Variants in IGF1R observed in about 807,000 individuals in gnomAD.
IGF1R encodes insulin-like growth factor 1 receptor.
IGF1R carries 44 observed loss-of-function variants against 144.6 expected under a neutral mutation model. The observed-to-expected ratio is 0.30, with a 90% confidence interval of 0.24 to 0.39. The LOEUF (loss-of-function observed/expected upper bound fraction) is 0.39, where lower values mean the gene tolerates loss of function less well. Ranked by LOEUF, IGF1R falls within the 10% of genes least tolerant of loss-of-function variation. IGF1R has a pLI of 1.00. For synonymous variants in IGF1R, 795 were observed against 722.8 expected, an observed-to-expected ratio of 1.10 and a Z score of -1.60; for missense variants, 1,355 against 1,833.7, an observed-to-expected ratio of 0.74 and a Z score of 4.77.
At position 98,726,495 on chromosome 15, in the gene IGF1R, A is replaced by G. The variant is rs181292069; in HGVS notation, c.640+18388A>G. Among the ~76,000 whole-genome samples, 221 of 152,244 alleles carry G rather than the reference A, an allele frequency of 1.5e-3. No individual in the cohort carries two copies. The Middle Eastern group carries it at 0.027, about 19-fold the overall frequency. ...TCTTAGTAAACATGATGTGGGTTCT[A>G]TTAGCATGGCGCCCTCCCTCCCTTC... On this transcript the variant is annotated intron_variant, in intron 2 of 20. Transcript: ENST00000650285.
At chr15:98,743,259 G>C (rs79246493) in intron 2 of IGF1R, among the ~76,000 whole-genome samples, 146 of 151,924 alleles carry the variant, frequency 9.6e-4, no homozygotes, top group African/African-American at 3.4e-3. Context: ...ACAATAAACT[G>C]TGTTTCCATG....
At chr15:98,732,049 C>T (rs2054507763) in intron 2 of IGF1R, among the ~76,000 whole-genome samples, 3 of 152,244 alleles carry the variant, frequency 2.0e-5, no homozygotes, top group Admixed American at 2.0e-4. Context: ...TCTGCAACTA[C>T]TGAGCTCAGC....
chr15:98,925,723 G>A (rs2015688634), intron 13 of IGF1R, among the ~76,000 whole-genome samples: 1 of 152,214 alleles, frequency 6.6e-6, no homozygotes, highest in African/African-American at 2.4e-5. Flanking sequence ...GCCAACATGG[G>A]TGAAACCCCG....
intron 1 of IGF1R, among the ~76,000 whole-genome samples, chr15:98,663,168 T>G (rs73473436): frequency 3.3e-5 from 5 of 151,868 alleles, no homozygotes; most frequent in African/African-American, 1.2e-4. Flanking sequence ...ACTGGTGAGA[T>G]GGGTCCTCGG....
intron 2 of IGF1R, among the ~76,000 whole-genome samples, chr15:98,762,681 T>C (rs1026612806): frequency 6.6e-5 from 10 of 151,734 alleles, no homozygotes; most frequent in African/African-American, 2.2e-4. Context: ...TGAACCGAGA[T>C]TGCATCATTA....
chr15:98,649,927 G>A (rs1318835502), intron 1 of IGF1R, among the ~76,000 whole-genome samples: 2 of 152,174 alleles, frequency 1.3e-5, no homozygotes, highest in Admixed American at 6.5e-5. Flanking sequence ...CTCTTTCTCC[G>A]TCCTGACAGC....
chr15:98,881,147 T>C (rs1409172071), intron 2 of IGF1R, among the ~76,000 whole-genome samples: 4 of 152,174 alleles, frequency 2.6e-5, no homozygotes, highest in Non-Finnish European at 5.9e-5. Flanking sequence ...CCTGACCCTT[T>C]TCCAGAGTGT....
chr15:98,909,609 C>T (rs1286355429), intron 6 of IGF1R, among the ~76,000 whole-genome samples: 1 of 152,274 alleles, frequency 6.6e-6, no homozygotes, highest in Admixed American at 6.5e-5. Context: ...TGAGCTCTAC[C>T]CTTCTGCTCC....
At chr15:98,938,651 T>G (rs2151712768) in intron 17 of IGF1R, among the ~76,000 whole-genome samples, 1 of 152,300 alleles carries the variant, frequency 6.6e-6, no homozygotes, top group African/African-American at 2.4e-5. Flanking sequence ...GTGAAAACAG[T>G]AATCCTGGTA....
At chr15:98,734,866 C>A (rs1191834205) in intron 2 of IGF1R, 1 of 152,184 alleles carries the variant, frequency 6.6e-6, no homozygotes, top group East Asian at 1.9e-4. Context: ...TATTTCCCTT[C>A]TATGCCAAGA....
chr15:98,747,889 C>T (rs570378551), intron 2 of IGF1R, among the ~76,000 whole-genome samples: 5 of 152,204 alleles, frequency 3.3e-5, no homozygotes, highest in Admixed American at 3.3e-4. Flanking sequence ...AAAAATATCA[C>T]CTATAGCATT....
At chr15:98,658,946 A>G (rs756408142) in intron 1 of IGF1R, among the ~76,000 whole-genome samples, 1 of 152,350 alleles carries the variant, frequency 6.6e-6, no homozygotes, top group South Asian at 2.1e-4. Context: ...AATAGAATCT[A>G]CTTTAAACAT....
chr15:98,749,167 CTTT>C (rs10609630), intron 2 of IGF1R, among the ~76,000 whole-genome samples: 167 of 149,004 alleles, frequency 1.1e-3, no homozygotes, highest in East Asian at 2.7e-3. Flanking sequence ...TTAATAAATC[CTTT>C]TTTTTTTTTT....
chr15:98,788,796 C>T (rs1415952589), intron 2 of IGF1R, among the ~76,000 whole-genome samples: 3 of 152,202 alleles, frequency 2.0e-5, no homozygotes, highest in African/African-American at 7.2e-5. Context: ...GTGTGAAATA[C>T]ATTTGTCGTC....
At chr15:98,670,173 C>G (rs2052852428) in intron 1 of IGF1R, among the ~76,000 whole-genome samples, 2 of 152,002 alleles carry the variant, frequency 1.3e-5, no homozygotes, top group African/African-American at 2.4e-5. Flanking sequence ...TAAGGTGTGC[C>G]CAGCTGTGGA....
At position 98,847,976 on chromosome 15, in the gene IGF1R, C is replaced by T. The variant is rs74034248; in HGVS notation, c.641-43349C>T. 3.9e-3 allele frequency among the ~76,000 whole-genome samples: 590 copies of T among 152,172 alleles called. 2 individuals carry two copies. Among genetic ancestry groups the T allele is most frequent in the African/African-American group, 0.014 (563 of 41,518 alleles). Reference sequence around the variant, plus strand: ...CCCTGTTAGATGGATATAACCGGGCCCTGGGACCATTGCTGGGCTCAGTTA... The same window carrying T: ...CCCTGTTAGATGGATATAACCGGGCTCTGGGACCATTGCTGGGCTCAGTTA... On this transcript the variant is annotated intron_variant, in intron 2 of 20. Transcript: ENST00000650285.
At chr15:98,877,313 G>C (rs1596385720) in intron 2 of IGF1R, among the ~76,000 whole-genome samples, 1 of 152,124 alleles carries the variant, frequency 6.6e-6, no homozygotes, top group Middle Eastern at 3.4e-3. Context: ...ACAAACTTAA[G>C]ATCCAAGGAA....
intron 2 of IGF1R, among the ~76,000 whole-genome samples, chr15:98,717,971 G>A (rs564916260): frequency 1.1e-4 from 16 of 152,144 alleles, no homozygotes; most frequent in Non-Finnish European, 2.1e-4. Flanking sequence ...GCACGTGTGC[G>A]TGTGTGTTTG....
At chr15:98,950,719 A>G (rs150715798) in intron 20 of IGF1R, among the ~76,000 whole-genome samples, 2 of 152,314 alleles carry the variant, frequency 1.3e-5, no homozygotes, top group African/African-American at 4.8e-5. Flanking sequence ...TTCACAGTCA[A>G]TTGATGAGAA....
Sources: allele counts gnomAD v4.1 joint callset (sites outside exome capture counted in the v4.1 genomes callset), GRCh38; gene constraint gnomAD v4.1.1; transcripts MANE v1.5; gene names NCBI Gene and HGNC (gene_info 2026-07-23, HGNC 2026-07-21).